PPARGC1A: variants seen among roughly 807,000 people sequenced by gnomAD.
PPARGC1A encodes the protein peroxisome proliferator-activated receptor gamma coactivator 1-alpha.
Under a neutral mutation model 88.7 loss-of-function variants are expected in PPARGC1A, and 25 were observed. That is an observed-to-expected ratio of 0.28 (90% CI 0.21 to 0.39). PPARGC1A has a LOEUF of 0.39. PPARGC1A is among the 10% of genes least tolerant of loss of function. PPARGC1A has a pLI of 1.00. For synonymous variants in PPARGC1A, 363 were observed against 355.6 expected (o/e 1.02, Z -0.24); for missense variants, 880 against 968.7 (o/e 0.91, Z 1.22).
At chr4:24,183,371 G>C in the PPARGC1A span, among the ~76,000 whole-genome samples, 1 of 152,308 alleles carries the variant, frequency 6.6e-6, no homozygotes, top group East Asian at 1.9e-4. Flanking sequence ...AGGCTCTGCA[G>C]TAGGAAGTCT....
chr4:24,284,329 C>A, the PPARGC1A span, among the ~76,000 whole-genome samples: 9 of 151,830 alleles, frequency 5.9e-5, no homozygotes, highest in Admixed American at 3.3e-4. Flanking sequence ...AACAAACAAA[C>A]AAAAAACAAA....
At chr4:24,022,408 C>G in the PPARGC1A span, among the ~76,000 whole-genome samples, 23,871 of 152,048 alleles carry the variant, frequency 0.16, 2,058 homozygotes, top group South Asian at 0.21. Flanking sequence ...ACATACATAT[C>G]GGTTACTTAC....
chr4:23,945,415 G>A, the PPARGC1A span, among the ~76,000 whole-genome samples: 2 of 152,104 alleles, frequency 1.3e-5, no homozygotes, highest in Non-Finnish European at 2.9e-5. Context: ...AATTTACCAT[G>A]CAGCTGAGAG....
the PPARGC1A span, among the ~76,000 whole-genome samples, chr4:24,210,512 A>G: frequency 6.6e-6 from 1 of 152,220 alleles, no homozygotes; most frequent in Non-Finnish European, 1.5e-5. Context: ...TATCCAATTA[A>G]TCAGCATAGT....
At chr4:24,269,958 G>T in the PPARGC1A span, among the ~76,000 whole-genome samples, 8 of 152,076 alleles carry the variant, frequency 5.3e-5, no homozygotes, top group Non-Finnish European at 1.0e-4. Context: ...CAACTTGACT[G>T]GGCCATGAGA....
At chr4:23,810,209 AATCTCT>A (rs1443136001) in intron 10 of PPARGC1A, among the ~76,000 whole-genome samples, 1 of 152,232 alleles carries the variant, frequency 6.6e-6, no homozygotes, top group Non-Finnish European at 1.5e-5. Context: ...GTTGGTAAAC[AATCTCT>A]ATGTTCTAGG....
the PPARGC1A span, among the ~76,000 whole-genome samples, chr4:24,160,879 TA>T: frequency 6.6e-6 from 1 of 152,254 alleles, no homozygotes; most frequent in East Asian, 1.9e-4. Context: ...ACACTCAAAC[TA>T]TGGCTACCGG....
At chr4:23,822,569 A>T (rs1723194283) in intron 7 of PPARGC1A, among the ~76,000 whole-genome samples, 1 of 151,920 alleles carries the variant, frequency 6.6e-6, no homozygotes, top group African/African-American at 2.4e-5. Flanking sequence ...TCCCTTTGTG[A>T]TTCTTTCTAG....
At chr4:23,838,951 TCTAA>T (rs1156397316) in intron 2 of PPARGC1A, among the ~76,000 whole-genome samples, 4 of 152,154 alleles carry the variant, frequency 2.6e-5, no homozygotes, top group South Asian at 2.1e-4. Context: ...TCTCAGCCAC[TCTAA>T]CTGAGGAAAG....
chr4:24,188,736 G>C, the PPARGC1A span, among the ~76,000 whole-genome samples: 1 of 152,086 alleles, frequency 6.6e-6, no homozygotes, highest in Non-Finnish European at 1.5e-5. Context: ...AAACAATATA[G>C]TGGTTGCTCA....
At chr4:23,857,564 CT>C (rs988608356) in intron 2 of PPARGC1A, among the ~76,000 whole-genome samples, 4 of 151,764 alleles carry the variant, frequency 2.6e-5, no homozygotes, top group African/African-American at 9.7e-5. Context: ...GAACCCCATT[CT>C]TTTACTTAAT....
chr4:23,933,097 T>C, the PPARGC1A span, among the ~76,000 whole-genome samples: 1 of 152,202 alleles, frequency 6.6e-6, no homozygotes, highest in African/African-American at 2.4e-5. Flanking sequence ...TTCTTCCCAA[T>C]TCTTCTGGTG....
the PPARGC1A span, among the ~76,000 whole-genome samples, chr4:24,043,660 G>GTT: frequency 6.6e-6 from 1 of 152,066 alleles, no homozygotes; most frequent in African/African-American, 2.4e-5. Flanking sequence ...AATTTATCTG[G>GTT]TAATAGTTTA....
At chr4:24,437,993 C>T in the PPARGC1A span, among the ~76,000 whole-genome samples, 1 of 152,072 alleles carries the variant, frequency 6.6e-6, no homozygotes, top group African/African-American at 2.4e-5. Flanking sequence ...AGGGTTTCAG[C>T]TGGAGAGTGG....
chr4:24,314,014 A>G, the PPARGC1A span, among the ~76,000 whole-genome samples: 2 of 152,250 alleles, frequency 1.3e-5, no homozygotes, highest in Non-Finnish European at 2.9e-5. Context: ...AATTAAATGC[A>G]ATTGAAGAAA....
chr4:24,364,934 A>G, the PPARGC1A span, among the ~76,000 whole-genome samples: 1 of 152,110 alleles, frequency 6.6e-6, no homozygotes, highest in African/African-American at 2.4e-5. Context: ...ATACTCAATA[A>G]ATAGCAGATG....
the PPARGC1A span, among the ~76,000 whole-genome samples, chr4:24,036,561 A>T: frequency 6.6e-6 from 1 of 152,222 alleles, no homozygotes; most frequent in Admixed American, 6.5e-5. Flanking sequence ...TGGCAATAAA[A>T]ATAGTGAATC....
At chr4:24,363,421 G>A in the PPARGC1A span, among the ~76,000 whole-genome samples, 3 of 152,302 alleles carry the variant, frequency 2.0e-5, no homozygotes, top group South Asian at 6.2e-4. Flanking sequence ...ACAAGAATGA[G>A]TCCATGTGAT....
At chr4:24,247,927 C>T in the PPARGC1A span, among the ~76,000 whole-genome samples, 2 of 152,140 alleles carry the variant, frequency 1.3e-5, no homozygotes, top group African/African-American at 4.8e-5. Flanking sequence ...CTGCTTTCCC[C>T]CACCTAATAT....
Sources: gnomAD v4.1 joint callset for allele counts (sites outside exome capture counted in the v4.1 genomes callset) on GRCh38, gnomAD v4.1.1 for gene constraint, MANE v1.5 for transcripts, NCBI Gene and HGNC (gene_info 2026-07-23, HGNC 2026-07-21) for gene names.